AGBL4: variants seen among roughly 807,000 people sequenced by gnomAD.
AGBL4 encodes cytosolic carboxypeptidase 6.
AGBL4 carries 58 observed loss-of-function variants against 66.4 expected under a neutral mutation model. The ratio of observed to expected loss-of-function variants is 0.87; its 90% confidence interval spans 0.71 to 1.09. AGBL4 has a LOEUF of 1.09. Among genes scored for constraint, AGBL4 ranks in the 50% least tolerant of loss-of-function variants. The pLI, the probability that AGBL4 is intolerant of heterozygous loss-of-function variation, is 0.00. For missense variants in AGBL4, 579 were observed against 631.0 expected, an observed-to-expected ratio of 0.92 and a Z score of 0.88; for synonymous variants, 234 against 222.9, an observed-to-expected ratio of 1.05 and a Z score of -0.44.
intron 4 of AGBL4, among the ~76,000 whole-genome samples, chr1:49,213,276 T>C (rs999206952): frequency 6.6e-6 from 1 of 152,164 alleles, no homozygotes. Context: ...TTAGCAGAGA[T>C]ATTGACTGCT....
chr1:49,401,143 C>T (rs1271396778), intron 3 of AGBL4, among the ~76,000 whole-genome samples: 1 of 152,166 alleles, frequency 6.6e-6, no homozygotes, highest in African/African-American at 2.4e-5. Context: ...TCACGTTCCA[C>T]ATGGCTGGGG....
At chr1:49,833,898 G>A (rs1031714639) in intron 2 of AGBL4, among the ~76,000 whole-genome samples, 2 of 152,132 alleles carry the variant, frequency 1.3e-5, no homozygotes, top group African/African-American at 2.4e-5. Context: ...TTTGGGCTGA[G>A]ACAATGGGGT....
intron 2 of AGBL4, among the ~76,000 whole-genome samples, chr1:49,736,066 C>G (rs1186094232): frequency 2.0e-5 from 3 of 151,894 alleles, no homozygotes; most frequent in Non-Finnish European, 4.4e-5. Flanking sequence ...CATCAACATG[C>G]ACATACTGGC....
chr1:48,890,125 G>A (rs1650795929), intron 5 of AGBL4, among the ~76,000 whole-genome samples: 1 of 152,032 alleles, frequency 6.6e-6, no homozygotes, highest in Non-Finnish European at 1.5e-5. Context: ...CAGACAGGCA[G>A]GTTTCACTCC....
At chr1:48,957,031 T>C (rs1657508330) in intron 5 of AGBL4, among the ~76,000 whole-genome samples, 1 of 152,232 alleles carries the variant, frequency 6.6e-6, no homozygotes, top group Admixed American at 6.5e-5. Context: ...ACTTCATATT[T>C]TTTAAAGAAA....
At chr1:49,937,167 A>C (rs952272926) in intron 1 of AGBL4, among the ~76,000 whole-genome samples, 2 of 152,152 alleles carry the variant, frequency 1.3e-5, no homozygotes, top group Non-Finnish European at 1.5e-5. Flanking sequence ...AATGGAAAAC[A>C]AAAAAAGGCA....
chr1:49,471,649 T>C (rs1158366008), intron 3 of AGBL4, among the ~76,000 whole-genome samples: 1 of 151,440 alleles, frequency 6.6e-6, no homozygotes, highest in African/African-American at 2.4e-5. Context: ...TGCCAGTAGG[T>C]ACAAACAAAC....
intron 4 of AGBL4, among the ~76,000 whole-genome samples, chr1:49,082,305 T>C (rs142710909): frequency 1.3e-4 from 20 of 152,238 alleles, no homozygotes; most frequent in African/African-American, 4.6e-4. Context: ...TTTTACAAAT[T>C]TGGGGCCAAT....
rs868855473 is a variant in AGBL4, at chr1:49,884,296, T to G, written c.35-32778A>C. On this transcript the variant is annotated intron_variant, in intron 1 of 13. Coordinates refer to ENST00000371839, the MANE Select transcript of AGBL4 (RefSeq NM_032785.4). ...CTGTTTATTTCCCTTAAAATATTGT[T>G]CTGAAGGTTATGTAAAACACATGTA... is the stretch of plus-strand genomic sequence containing the variant. Among the ~76,000 whole-genome samples the G allele has an allele frequency of 3.9e-5, 6 of 151,910 alleles. No homozygotes were observed. The South Asian group carries it at 6.2e-4, about 16-fold the overall frequency.
chr1:48,746,838 A>C (rs1443858831), intron 6 of AGBL4, among the ~76,000 whole-genome samples: 2 of 152,252 alleles, frequency 1.3e-5, no homozygotes, highest in African/African-American at 4.8e-5. Flanking sequence ...CAGAACAGAC[A>C]GAAGCTGGCA....
At chr1:49,412,560 T>A (rs902054709) in intron 3 of AGBL4, among the ~76,000 whole-genome samples, 1 of 152,092 alleles carries the variant, frequency 6.6e-6, no homozygotes, top group Non-Finnish European at 1.5e-5. Flanking sequence ...GCTAGAAGTT[T>A]CCCCAGCATC....
At chr1:49,936,805 C>G (rs1654097636) in intron 1 of AGBL4, among the ~76,000 whole-genome samples, 1 of 151,966 alleles carries the variant, frequency 6.6e-6, no homozygotes, top group South Asian at 2.1e-4. Flanking sequence ...ATTTTGTCAC[C>G]ACAAGGCCTG....
rs1646749149 is a variant in AGBL4 at position 48,698,437 on chromosome 1, G to A, written c.635-35196C>T. 2.0e-5 allele frequency among the ~76,000 whole-genome samples: 3 copies of A among 152,174 alleles called. No homozygotes were observed. The South Asian group carries it at 6.2e-4, about 32-fold the overall frequency. On this transcript the variant is annotated intron_variant, in intron 6 of 13. Transcript: ENST00000371839. ...CCAACATTTTGACTCAAAGAAAAAG[G>A]AAACTGCCAAGGCCACCTGAGATGT...
chr1:49,658,098 A>C (rs1241368729), intron 3 of AGBL4, among the ~76,000 whole-genome samples: 1 of 152,196 alleles, frequency 6.6e-6, no homozygotes, highest in Admixed American at 6.5e-5. Flanking sequence ...AAATTTTTGC[A>C]ATCTACTCAT....
intron 6 of AGBL4, among the ~76,000 whole-genome samples, chr1:48,833,161 A>C (rs1001500346): frequency 2.0e-5 from 3 of 152,204 alleles, no homozygotes; most frequent in African/African-American, 7.2e-5. Context: ...AACACATAGC[A>C]TGGCTTTGGA....
intron 3 of AGBL4, among the ~76,000 whole-genome samples, chr1:49,545,174 T>C (rs1364030154): frequency 6.6e-6 from 1 of 152,192 alleles, no homozygotes; most frequent in Non-Finnish European, 1.5e-5. Context: ...TACATAACAT[T>C]ATAATTCCTA....
intron 2 of AGBL4, among the ~76,000 whole-genome samples, chr1:49,735,672 A>T (rs768491151): frequency 2.0e-5 from 3 of 152,114 alleles, no homozygotes; most frequent in Non-Finnish European, 4.4e-5. Context: ...GCTACACAAT[A>T]TTAAAAAGGA....
At chr1:48,896,803 A>G (rs12048741) in intron 5 of AGBL4, among the ~76,000 whole-genome samples, 74,629 of 151,932 alleles carry the variant, frequency 0.49, 21,784 homozygotes, top group Non-Finnish European at 0.67. Context: ...ACAAATAAAA[A>G]GATTTATTTT....
chr1:48,690,407 C>T (rs1570263484), intron 6 of AGBL4, among the ~76,000 whole-genome samples: 1 of 152,246 alleles, frequency 6.6e-6, no homozygotes, highest in Middle Eastern at 3.4e-3. Flanking sequence ...CAAGGTTTTA[C>T]ATTAAACCAG....
Sources: allele counts gnomAD v4.1 joint callset (sites outside exome capture counted in the v4.1 genomes callset), GRCh38; gene constraint gnomAD v4.1.1; transcripts MANE v1.5; gene names NCBI Gene and HGNC (gene_info 2026-07-23, HGNC 2026-07-21).